The following ATOSA variants were observed in gnomAD, a reference collection of about 807,000 sequenced individuals.
ATOSA encodes atos homolog protein A.
chr15:52,662,555 G>C, the ATOSA span, among the ~76,000 whole-genome samples: 2 of 152,134 alleles, frequency 1.3e-5, no homozygotes, highest in Admixed American at 1.3e-4. Flanking sequence ...CGGATCACAA[G>C]GTCAGGAGAT....
chr15:52,698,803 A>C, the ATOSA span, among the ~76,000 whole-genome samples: 2 of 152,238 alleles, frequency 1.3e-5, no homozygotes, highest in Non-Finnish European at 2.9e-5. Flanking sequence ...AGATGTATAC[A>C]TAAGTAAAAA....
At chr15:52,611,059 TA>T in the ATOSA span, 1 of 1,488,378 alleles carries the variant, frequency 6.7e-7, no homozygotes, top group Non-Finnish European at 9.0e-7. Flanking sequence ...ATTTAAAAGG[TA>T]AAATGCCATT....
At chr15:52,624,493 G>C in the ATOSA span, among the ~76,000 whole-genome samples, 2 of 152,120 alleles carry the variant, frequency 1.3e-5, no homozygotes, top group Non-Finnish European at 2.9e-5. Flanking sequence ...TCTGTTCCAT[G>C]GACAGACTGT....
chr15:52,665,416 T>C, the ATOSA span, among the ~76,000 whole-genome samples: 5 of 152,176 alleles, frequency 3.3e-5, no homozygotes, highest in African/African-American at 1.2e-4. Context: ...CTTTCAAGAA[T>C]ATCTATAAGA....
At chr15:52,600,325 C>T in the ATOSA span, 24 of 738,324 alleles carry the variant, frequency 3.3e-5, no homozygotes, top group Admixed American at 1.5e-4. Flanking sequence ...GTCACCCAGG[C>T]GGGAGTACAG....
At chr15:52,626,551 G>C in the ATOSA span, among the ~76,000 whole-genome samples, 1 of 150,234 alleles carries the variant, frequency 6.7e-6, no homozygotes, top group African/African-American at 2.4e-5. Context: ...AAGAGAGCGA[G>C]AGAATGGCCA....
the ATOSA span, chr15:52,608,914 G>C: frequency 6.2e-7 from 1 of 1,606,872 alleles, no homozygotes; most frequent in Non-Finnish European, 8.5e-7. Flanking sequence ...AAAGAATTTT[G>C]GATTATAGTT....
chr15:52,672,629 T>C, the ATOSA span, among the ~76,000 whole-genome samples: 13 of 152,128 alleles, frequency 8.5e-5, no homozygotes, highest in Non-Finnish European at 1.8e-4. Context: ...AGAATATAAA[T>C]ATTCTTTAAC....
At chr15:52,696,873 A>G in the ATOSA span, among the ~76,000 whole-genome samples, 17,103 of 151,454 alleles carry the variant, frequency 0.11, 2,313 homozygotes, top group African/African-American at 0.32. Context: ...TATTTAACCT[A>G]ATATAAATTA....
chr15:52,667,364 G>A, the ATOSA span, among the ~76,000 whole-genome samples: 1 of 152,064 alleles, frequency 6.6e-6, no homozygotes, highest in African/African-American at 2.4e-5. Flanking sequence ...TTCTGTAAAA[G>A]GAAGCAATGT....
At chr15:52,602,475 G>A in the ATOSA span, among the ~76,000 whole-genome samples, 57 of 151,936 alleles carry the variant, frequency 3.8e-4, no homozygotes, top group African/African-American at 1.2e-3. Flanking sequence ...TCAGTAAGAC[G>A]TATTTGCTAT....
the ATOSA span, chr15:52,658,087 T>C: frequency 6.6e-6 from 1 of 152,340 alleles, no homozygotes; most frequent in African/African-American, 2.4e-5. Context: ...GTTTTTACCA[T>C]ATCATATTCA....
chr15:52,679,784 TCCTCCTCC>T, the ATOSA span, among the ~76,000 whole-genome samples: 12 of 44,088 alleles, frequency 2.7e-4, no homozygotes, highest in African/African-American at 8.1e-4. Flanking sequence ...CTCCTCCTCC[TCCTCCTCC>T]TCCCCCCTCC....
At chr15:52,685,739 C>T in the ATOSA span, among the ~76,000 whole-genome samples, 2 of 151,806 alleles carry the variant, frequency 1.3e-5, no homozygotes, top group African/African-American at 4.8e-5. Flanking sequence ...GACAGGGTCT[C>T]ACTCTGTCAC....
chr15:52,594,097 G>T, the ATOSA span, among the ~76,000 whole-genome samples: 3 of 152,096 alleles, frequency 2.0e-5, no homozygotes, highest in Admixed American at 2.0e-4. Context: ...ATCAGAGCAG[G>T]TATTTATCCC....
the ATOSA span, chr15:52,609,454 G>A: frequency 6.2e-7 from 1 of 1,613,448 alleles, no homozygotes; most frequent in African/African-American, 1.3e-5. Flanking sequence ...AGCAATCCTT[G>A]CAATAACATC....
At chr15:52,609,247 C>A in the ATOSA span, 3 of 1,612,944 alleles carry the variant, frequency 1.9e-6, no homozygotes, top group Admixed American at 1.7e-5. Flanking sequence ...TAAGTTTTTC[C>A]CATCACTGAT....
At chr15:52,613,807 A>C in the ATOSA span, 1 of 1,613,924 alleles carries the variant, frequency 6.2e-7, no homozygotes. Flanking sequence ...AGCAAGGCCA[A>C]AGAGACCAAG....
chr15:52,630,169 T>A, the ATOSA span, among the ~76,000 whole-genome samples: 2 of 152,266 alleles, frequency 1.3e-5, no homozygotes, highest in African/African-American at 4.8e-5. Context: ...AGCACTCCTA[T>A]AAATATAGCT....
Sources: gnomAD v4.1 joint callset for allele counts (sites outside exome capture counted in the v4.1 genomes callset) on GRCh38, gnomAD v4.1.1 for gene constraint, MANE v1.5 for transcripts, NCBI Gene and HGNC (gene_info 2026-07-23, HGNC 2026-07-21) for gene names.